ACER3: variants seen among roughly 807,000 people sequenced by gnomAD.
ACER3 encodes alkaline ceramidase 3.
A neutral mutation model predicts 48.9 loss-of-function variants in ACER3; 16 were observed. The observed-to-expected ratio is 0.33, with a 90% CI of 0.22 to 0.50. The LOEUF (loss-of-function observed/expected upper bound fraction) is 0.50, where lower values mean the gene tolerates loss of function less well. Ranked by LOEUF, ACER3 falls within the 20% of genes least tolerant of loss-of-function variation. ACER3 has a pLI of 0.98. For synonymous variants in ACER3, 109 were observed against 107.8 expected, an observed-to-expected ratio of 1.01 and a Z score of -0.07; for missense variants, 227 against 326.0, an observed-to-expected ratio of 0.70 and a Z score of 2.34.
At chr11:76,995,817 G>C (rs1413519232) in intron 6 of ACER3, among the ~76,000 whole-genome samples, 4 of 152,110 alleles carry the variant, frequency 2.6e-5, no homozygotes, top group Non-Finnish European at 1.5e-5. Flanking sequence ...TGTTGCCAAG[G>C]CATAGGTTCT....
At chr11:76,942,802 C>T (rs1253556283) in intron 2 of ACER3, among the ~76,000 whole-genome samples, 1 of 151,888 alleles carries the variant, frequency 6.6e-6, no homozygotes, top group African/African-American at 2.4e-5. Context: ...GCTGTGGATC[C>T]ATCTACTCCT....
At chr11:76,938,834 A>G (rs1555005994) in intron 2 of ACER3, among the ~76,000 whole-genome samples, 1 of 151,822 alleles carries the variant, frequency 6.6e-6, no homozygotes, top group Non-Finnish European at 1.5e-5. Context: ...ACCTATTAAT[A>G]GTGCTAGACT....
chr11:76,915,136 A>G (rs1362635019), intron 1 of ACER3, among the ~76,000 whole-genome samples: 2 of 152,126 alleles, frequency 1.3e-5, no homozygotes. Context: ...ATGTATACAT[A>G]TGTAACAAAC....
chr11:76,880,520 A>G (rs547966935), intron 1 of ACER3, among the ~76,000 whole-genome samples: 1 of 152,306 alleles, frequency 6.6e-6, no homozygotes, highest in East Asian at 1.9e-4. Flanking sequence ...TCCACTTCCC[A>G]TGCCAGTCGG....
intron 4 of ACER3, among the ~76,000 whole-genome samples, chr11:76,977,197 A>G (rs1268093101): frequency 6.6e-6 from 1 of 152,226 alleles, no homozygotes; most frequent in Non-Finnish European, 1.5e-5. Context: ...TGGCCAGGCC[A>G]TTGTCCAGGT....
At chr11:76,894,908 G>C (rs1321767814) in intron 1 of ACER3, among the ~76,000 whole-genome samples, 1 of 152,144 alleles carries the variant, frequency 6.6e-6, no homozygotes, top group East Asian at 1.9e-4. Flanking sequence ...CTTCATCTCT[G>C]GATTGAATCA....
intron 3 of ACER3, among the ~76,000 whole-genome samples, chr11:76,974,002 C>A (rs111898987): frequency 4.0e-4 from 61 of 152,274 alleles, no homozygotes; most frequent in African/African-American, 1.3e-3. Context: ...ATTGAGTTGT[C>A]TTAGCACTCT....
chr11:76,880,312 T>G (rs987526454), intron 1 of ACER3, among the ~76,000 whole-genome samples: 38 of 152,234 alleles, frequency 2.5e-4, no homozygotes, highest in African/African-American at 8.7e-4. Flanking sequence ...GCACACAAAC[T>G]GTTTTTCCTC....
At chr11:76,968,041 C>T (rs2135105552) in intron 3 of ACER3, among the ~76,000 whole-genome samples, 1 of 152,278 alleles carries the variant, frequency 6.6e-6, no homozygotes. Flanking sequence ...ACCTAGAAAA[C>T]CCCATCGTCT....
intron 4 of ACER3, among the ~76,000 whole-genome samples, chr11:76,977,599 A>C (rs1948474842): frequency 6.6e-6 from 1 of 152,258 alleles, no homozygotes; most frequent in Non-Finnish European, 1.5e-5. Context: ...AGGGACCCAC[A>C]TGCCTGAGTC....
At chr11:76,985,400 C>G (rs1478346703) in intron 4 of ACER3, among the ~76,000 whole-genome samples, 1 of 152,200 alleles carries the variant, frequency 6.6e-6, no homozygotes, top group Admixed American at 6.5e-5. Context: ...GATTCAGTCT[C>G]TCTCTCCCAA....
At chr11:76,941,485 TTTTA>T (rs1158681653) in intron 2 of ACER3, among the ~76,000 whole-genome samples, 6 of 151,958 alleles carry the variant, frequency 3.9e-5, no homozygotes, top group Admixed American at 6.6e-5. Context: ...AATTTTTTAT[TTTTA>T]TTTATTATTA....
intron 2 of ACER3, among the ~76,000 whole-genome samples, chr11:76,946,102 T>C (rs899220807): frequency 6.6e-6 from 1 of 150,820 alleles, no homozygotes; most frequent in Non-Finnish European, 1.5e-5. Flanking sequence ...GTGTGAGGAG[T>C]GTGTTCTGCT....
chr11:76,960,806 A>G (rs1947970529), intron 3 of ACER3, among the ~76,000 whole-genome samples: 2 of 152,184 alleles, frequency 1.3e-5, no homozygotes, highest in African/African-American at 4.8e-5. Flanking sequence ...TTGAAAAGGT[A>G]TCCATGCAAA....
intron 2 of ACER3, among the ~76,000 whole-genome samples, chr11:76,932,010 A>T (rs1454045671): frequency 6.7e-6 from 1 of 148,334 alleles, no homozygotes; most frequent in Admixed American, 6.8e-5. Context: ...GTGTAGTGGT[A>T]CAATCTTGGC....
chr11:76,908,845 G>A (rs1050356279), intron 1 of ACER3, among the ~76,000 whole-genome samples: 10 of 152,074 alleles, frequency 6.6e-5, no homozygotes, highest in Non-Finnish European at 1.3e-4. Context: ...AAAGCTGGAG[G>A]CATCATTCTA....
intron 1 of ACER3, among the ~76,000 whole-genome samples, chr11:76,874,731 A>C (rs1945326497): frequency 6.6e-6 from 1 of 152,162 alleles, no homozygotes; most frequent in Admixed American, 6.5e-5. Context: ...AGGGTGTGGG[A>C]GGTGGGGACG....
intron 9 of ACER3, among the ~76,000 whole-genome samples, chr11:77,017,664 A>G (rs1949396642): frequency 6.6e-6 from 1 of 152,224 alleles, no homozygotes; most frequent in Non-Finnish European, 1.5e-5. Context: ...AGGTAGCCAG[A>G]TCAATCTTGA....
intron 3 of ACER3, among the ~76,000 whole-genome samples, chr11:76,974,079 A>C (rs1279738557): frequency 6.6e-6 from 1 of 152,240 alleles, no homozygotes; most frequent in African/African-American, 2.4e-5. Context: ...ATTGACTTAT[A>C]TATCTATTCT....
Sources: allele counts gnomAD v4.1 joint callset (sites outside exome capture counted in the v4.1 genomes callset), GRCh38; gene constraint gnomAD v4.1.1; transcripts MANE v1.5; gene names NCBI Gene and HGNC (gene_info 2026-07-23, HGNC 2026-07-21).